The following THSD7B variants were observed in gnomAD, a reference collection of about 807,000 sequenced individuals.
THSD7B encodes the protein thrombospondin type-1 domain-containing protein 7B.
Under a neutral mutation model 213.6 loss-of-function variants are expected in THSD7B, and 138 were observed. That is an observed-to-expected ratio of 0.65 (90% confidence interval 0.56 to 0.74). THSD7B has a LOEUF of 0.74. THSD7B is among the 30% of genes least tolerant of loss of function. The pLI is 0.00. For missense variants in THSD7B, 1,931 were observed against 1,991.5 expected (o/e 0.97, Z 0.58); for synonymous variants, 742 against 687.0 (o/e 1.08, Z -1.25).
intron 12 of THSD7B, among the ~76,000 whole-genome samples, chr2:137,384,643 G>A (rs549942905): frequency 6.6e-6 from 1 of 152,214 alleles, no homozygotes; most frequent in South Asian, 2.1e-4. Context: ...TGCTCTACAG[G>A]GGCCCCACTC....
chr2:137,676,822 AT>A lies in THSD7B; in HGVS notation c.*224del. On this transcript the variant is annotated 3_prime_UTR_variant, in exon 28 of 28. Coordinates refer to ENST00000409968, the MANE Select transcript of THSD7B (RefSeq NM_001316349.2). Reference sequence around the variant, plus strand: ...TTCAAGTTGTTTGTGGGTGTGTTTTATTTTTTTGGTTTTCCCAAGGGACCTG... The same window carrying A: ...TTCAAGTTGTTTGTGGGTGTGTTTTATTTTTTGGTTTTCCCAAGGGACCTG... 3 of 403,510 alleles carry A rather than the reference AT, an allele frequency of 7.4e-6. No homozygotes were observed. Among genetic ancestry groups the A allele is most frequent in the East Asian group, 4.2e-5 (1 of 24,046 alleles). 25.0% of individuals were successfully genotyped at this position (403,510 alleles called of 1,614,324 possible).
chr2:136,959,832 G>C (rs185372995), intron 2 of THSD7B, among the ~76,000 whole-genome samples: 18 of 152,314 alleles, frequency 1.2e-4, no homozygotes, highest in Admixed American at 1.2e-3. Context: ...GACTAGATTT[G>C]AGAACTGTCA....
chr2:136,910,669 T>C (rs1684241894), intron 2 of THSD7B, among the ~76,000 whole-genome samples: 1 of 152,178 alleles, frequency 6.6e-6, no homozygotes, highest in South Asian at 2.1e-4. Flanking sequence ...TCAGGAGTTA[T>C]GAATGTGGAT....
At position 136,826,503 on chromosome 2, in the gene THSD7B, G is replaced by A. The variant is rs550453692; in HGVS notation, c.-35-55641G>A. ...AAGAGGACTGGCCCAAGGAACACTG[G>A]GAAAAGGATCAGACTGGGTTTTCCG... On this transcript the variant is annotated intron_variant, in intron 1 of 27. Transcript: ENST00000409968. Among the ~76,000 whole-genome samples the A allele has an allele frequency of 3.3e-5, 5 of 152,230 alleles. No homozygotes were observed. The East Asian group carries it at 9.6e-4, about 29-fold the overall frequency.
At chr2:137,548,353 C>A (rs966047466) in intron 15 of THSD7B, among the ~76,000 whole-genome samples, 4 of 151,928 alleles carry the variant, frequency 2.6e-5, no homozygotes, top group Non-Finnish European at 5.9e-5. Flanking sequence ...TTTCTTCTTC[C>A]TTGTTATATA....
At chr2:137,334,200 C>G (rs1246024073) in intron 12 of THSD7B, among the ~76,000 whole-genome samples, 2 of 148,736 alleles carry the variant, frequency 1.3e-5, no homozygotes, top group Non-Finnish European at 3.0e-5. Context: ...CTCTCTCTCT[C>G]TTTCTCTCTT....
chr2:137,650,336 T>C (rs1683114081), intron 21 of THSD7B, among the ~76,000 whole-genome samples: 2 of 152,234 alleles, frequency 1.3e-5, no homozygotes, highest in South Asian at 4.1e-4. Flanking sequence ...TTATATCCTT[T>C]ATAGCTATTG....
chr2:137,454,061 G>T (rs943910180), intron 15 of THSD7B, among the ~76,000 whole-genome samples: 1 of 152,132 alleles, frequency 6.6e-6, no homozygotes, highest in Non-Finnish European at 1.5e-5. Flanking sequence ...AAATAGTGCT[G>T]TAATGAGTAT....
chr2:136,934,716 G>A (rs1684692246), intron 2 of THSD7B, among the ~76,000 whole-genome samples: 3 of 152,020 alleles, frequency 2.0e-5, no homozygotes, highest in South Asian at 2.1e-4. Context: ...AGAAATTATT[G>A]GCCATTGTCA....
intron 12 of THSD7B, among the ~76,000 whole-genome samples, chr2:137,353,097 T>A (rs956110712): frequency 2.0e-5 from 3 of 152,024 alleles, no homozygotes; most frequent in Non-Finnish European, 4.4e-5. Context: ...ACAATTGAGA[T>A]GTTTTGTATT....
intron 16 of THSD7B, among the ~76,000 whole-genome samples, chr2:137,569,539 C>T (rs1473356609): frequency 6.6e-6 from 1 of 152,130 alleles, no homozygotes; most frequent in African/African-American, 2.4e-5. Context: ...ACTTCTTATA[C>T]TTTCAATAAA....
At chr2:136,882,956 T>C (rs1683649935) in intron 2 of THSD7B, among the ~76,000 whole-genome samples, 1 of 152,204 alleles carries the variant, frequency 6.6e-6, no homozygotes, top group Non-Finnish European at 1.5e-5. Flanking sequence ...ATCTGTTAAA[T>C]TTAATTTCAG....
At chr2:136,891,592 G>T (rs1474534828) in intron 2 of THSD7B, among the ~76,000 whole-genome samples, 1 of 152,194 alleles carries the variant, frequency 6.6e-6, no homozygotes, top group Admixed American at 6.5e-5. Flanking sequence ...TAGTGGTCCA[G>T]ACTGGAGGCT....
chr2:137,349,463 G>A (rs1684961059), intron 12 of THSD7B, among the ~76,000 whole-genome samples: 1 of 151,808 alleles, frequency 6.6e-6, no homozygotes, highest in Non-Finnish European at 1.5e-5. Context: ...TTAGCAATTT[G>A]TTAAATAATG....
At chr2:137,264,829 T>C (rs886563980) in intron 10 of THSD7B, among the ~76,000 whole-genome samples, 1 of 151,642 alleles carries the variant, frequency 6.6e-6, no homozygotes, top group African/African-American at 2.4e-5. Context: ...TTTTATTTTT[T>C]ATTTATTATT....
At chr2:137,227,806 G>A (rs1376671180) in intron 7 of THSD7B, among the ~76,000 whole-genome samples, 1 of 152,078 alleles carries the variant, frequency 6.6e-6, no homozygotes, top group Non-Finnish European at 1.5e-5. Context: ...GAATAGTAAA[G>A]CAAGTGCTTT....
intron 17 of THSD7B, among the ~76,000 whole-genome samples, chr2:137,587,030 C>T (rs1196724953): frequency 2.0e-5 from 3 of 152,156 alleles, no homozygotes; most frequent in South Asian, 2.1e-4. Context: ...AGGTTTTGTT[C>T]ATTTCTTTTT....
chr2:137,386,746 G>T (rs1364814733), intron 12 of THSD7B, among the ~76,000 whole-genome samples: 1 of 152,098 alleles, frequency 6.6e-6, no homozygotes, highest in African/African-American at 2.4e-5. Context: ...ACTTATCACT[G>T]CATGTCTGAC....
At chr2:137,242,663 C>CT (rs766245581) in intron 10 of THSD7B, 91 bp downstream of exon 10, 37,810 of 621,324 alleles carry the variant, frequency 0.061, 43 homozygotes, top group South Asian at 0.081. Context: ...ATGTGAGCAC[C>CT]TTTTTTTTTT....
Sources: allele counts gnomAD v4.1 joint callset (sites outside exome capture counted in the v4.1 genomes callset), GRCh38; gene constraint gnomAD v4.1.1; transcripts MANE v1.5; gene names NCBI Gene and HGNC (gene_info 2026-07-23, HGNC 2026-07-21).